Variants in CTNNA3 observed in about 807,000 individuals in gnomAD.
The protein encoded by CTNNA3 is catenin alpha-3.
Under a neutral mutation model 95.7 loss-of-function variants are expected in CTNNA3, and 76 were observed. The ratio of observed to expected loss-of-function variants is 0.79; its 90% CI spans 0.66 to 0.96. The LOEUF is 0.96. Ranked by LOEUF, CTNNA3 falls within the 40% of genes least tolerant of loss-of-function variation. The pLI is 0.00. For synonymous variants in CTNNA3, 431 were observed against 374.4 expected, an observed-to-expected ratio of 1.15 and a Z score of -1.74; for missense variants, 1,191 against 1,089.8, an observed-to-expected ratio of 1.09 and a Z score of -1.31.
chr10:67,483,788 C>CCA (rs1848340083), intron 5 of CTNNA3, among the ~76,000 whole-genome samples: 1 of 129,418 alleles, frequency 7.7e-6, no homozygotes, highest in African/African-American at 2.9e-5. Context: ...AAAAAAAAAA[C>CCA]AAAAAAAAAA....
Position 66,069,291 on chromosome 10 carries a change from G to T in CTNNA3, c.2159+17C>A, listed in dbSNP as rs772830252. Reference sequence around the variant, plus strand: ...TCAGCCATTATGAATATTACACATCGTTTTCCACATAATTACCTAGTGAAG... The same window carrying T: ...TCAGCCATTATGAATATTACACATCTTTTTCCACATAATTACCTAGTGAAG... On this transcript the variant is annotated intron_variant, in intron 15 of 17. Coordinates refer to ENST00000433211, the MANE Select transcript of CTNNA3 (RefSeq NM_013266.4). The T allele has an allele frequency of 6.8e-6, 11 of 1,608,994 alleles. No homozygotes were observed. Among genetic ancestry groups the T allele is most frequent in the South Asian group, 2.2e-5 (2 of 90,922 alleles).
intron 7 of CTNNA3, among the ~76,000 whole-genome samples, chr10:66,983,990 G>T (rs1205633453): frequency 6.6e-6 from 1 of 152,174 alleles, no homozygotes; most frequent in Non-Finnish European, 1.5e-5. Context: ...TATAGTTGAT[G>T]ATAATCGAGG....
At chr10:67,200,611 G>C (rs1398711524) in intron 6 of CTNNA3, among the ~76,000 whole-genome samples, 1 of 152,102 alleles carries the variant, frequency 6.6e-6, no homozygotes, top group Non-Finnish European at 1.5e-5. Context: ...TCTGTATCAA[G>C]TCAAAATTCT....
At chr10:66,034,180 T>C (rs2079511992) in intron 15 of CTNNA3, among the ~76,000 whole-genome samples, 1 of 133,802 alleles carries the variant, frequency 7.5e-6, no homozygotes, top group South Asian at 2.8e-4. Context: ...TTGAAAGTAC[T>C]CATACTATTT....
At chr10:67,667,733 T>C (rs1033367645) in intron 1 of CTNNA3, among the ~76,000 whole-genome samples, 4 of 152,176 alleles carry the variant, frequency 2.6e-5, no homozygotes, top group Non-Finnish European at 5.9e-5. Flanking sequence ...TCTTTCCTCA[T>C]GTAATAACTA....
Position 66,071,064 on chromosome 10 carries a change from C to T in CTNNA3, c.1978-1575G>A, listed in dbSNP as rs570946657. Among the ~76,000 whole-genome samples the T allele has an allele frequency of 2.3e-4, 35 of 152,150 alleles. No individual in the cohort carries two copies. The South Asian group carries it at 4.6e-3, about 20-fold the overall frequency. On this transcript the variant is annotated intron_variant, in intron 14 of 17. Coordinates refer to ENST00000433211, the MANE Select transcript of CTNNA3 (RefSeq NM_013266.4). ...GCTTCTATGATTTATTATATGTCAT[C>T]GATCAATTTCAACCACGCTGAAAAT...
At chr10:66,682,642 T>C (rs536862254) in intron 9 of CTNNA3, among the ~76,000 whole-genome samples, 1 of 136,976 alleles carries the variant, frequency 7.3e-6, no homozygotes, top group East Asian at 2.1e-4. Context: ...GGCTTTCTTT[T>C]TTTTTTTTAT....
chr10:67,700,466 C>A (rs1011280158), upstream of CTNNA3, among the ~76,000 whole-genome samples: 2 of 152,162 alleles, frequency 1.3e-5, no homozygotes, highest in African/African-American at 4.8e-5. Flanking sequence ...ATTCACGGTT[C>A]ACGAAAATCC....
At chr10:66,385,495 C>T (rs1373797291) in intron 11 of CTNNA3, among the ~76,000 whole-genome samples, 1 of 152,102 alleles carries the variant, frequency 6.6e-6, no homozygotes, top group South Asian at 2.1e-4. Context: ...GATTCACAGC[C>T]AAATTCTACC....
chr10:67,232,120 A>G (rs941477288), intron 5 of CTNNA3, among the ~76,000 whole-genome samples: 10 of 152,124 alleles, frequency 6.6e-5, no homozygotes, highest in Non-Finnish European at 1.5e-4. Flanking sequence ...TCCCCAATCT[A>G]GCAAGGCAGG....
At chr10:67,040,656 G>A (rs1331557328) in intron 7 of CTNNA3, among the ~76,000 whole-genome samples, 1 of 152,040 alleles carries the variant, frequency 6.6e-6, no homozygotes, top group Admixed American at 6.6e-5. Flanking sequence ...TTATTAAGAT[G>A]ATGACACTGA....
intron 5 of CTNNA3, among the ~76,000 whole-genome samples, chr10:67,434,354 C>T (rs1460642036): frequency 6.6e-6 from 1 of 151,972 alleles, no homozygotes; most frequent in African/African-American, 2.4e-5. Flanking sequence ...AAGCCCCTAT[C>T]ACAGTTTCTA....
At chr10:67,300,242 C>G (rs1840212457) in intron 5 of CTNNA3, among the ~76,000 whole-genome samples, 1 of 152,182 alleles carries the variant, frequency 6.6e-6, no homozygotes. Context: ...AACTCCATCC[C>G]TGTGGCTTGT....
At chr10:66,581,908 T>C (rs766330426) in intron 10 of CTNNA3, among the ~76,000 whole-genome samples, 49 of 151,728 alleles carry the variant, frequency 3.2e-4, no homozygotes, top group Non-Finnish European at 6.2e-4. Context: ...TTGAACAGAA[T>C]GTCCTTTCCC....
At chr10:66,703,256 A>G (rs1300233315) in intron 9 of CTNNA3, among the ~76,000 whole-genome samples, 2 of 152,140 alleles carry the variant, frequency 1.3e-5, no homozygotes, top group Non-Finnish European at 2.9e-5. Flanking sequence ...TAGCAATGGC[A>G]TAAACAGCAC....
intron 13 of CTNNA3, among the ~76,000 whole-genome samples, chr10:66,215,674 T>C (rs930316498): frequency 6.6e-6 from 1 of 152,080 alleles, no homozygotes; most frequent in Non-Finnish European, 1.5e-5. Flanking sequence ...AAGAAAACTA[T>C]AAGGTTTAAG....
At chr10:67,173,809 T>C (rs1325388157) in intron 7 of CTNNA3, among the ~76,000 whole-genome samples, 1 of 152,182 alleles carries the variant, frequency 6.6e-6, no homozygotes, top group Non-Finnish European at 1.5e-5. Context: ...TTCTAACATA[T>C]GAGGAATGCC....
At chr10:66,116,397 T>C (rs1589448174) in intron 13 of CTNNA3, among the ~76,000 whole-genome samples, 1 of 152,144 alleles carries the variant, frequency 6.6e-6, no homozygotes, top group African/African-American at 2.4e-5. Flanking sequence ...CAAAGAGGAA[T>C]AGAAACACAT....
chr10:66,620,370 G>A (rs565208401), intron 10 of CTNNA3, among the ~76,000 whole-genome samples: 175 of 151,862 alleles, frequency 1.2e-3, no homozygotes, highest in African/African-American at 4.0e-3. Flanking sequence ...AACAAAAATC[G>A]GAAAATTGGA....
Sources: gnomAD v4.1 joint callset for allele counts (sites outside exome capture counted in the v4.1 genomes callset) on GRCh38, gnomAD v4.1.1 for gene constraint, MANE v1.5 for transcripts, NCBI Gene and HGNC (gene_info 2026-07-23, HGNC 2026-07-21) for gene names.